KIAA1549L: variants seen among roughly 807,000 people sequenced by gnomAD.
KIAA1549L encodes UPF0606 protein KIAA1549L.
A neutral mutation model predicts 160.7 loss-of-function variants in KIAA1549L; 88 were observed. That is an observed-to-expected ratio of 0.55 (90% confidence interval 0.46 to 0.65). The LOEUF is 0.65. KIAA1549L is among the 30% of genes least tolerant of loss of function. The pLI is 0.00. For synonymous variants in KIAA1549L, 950 were observed against 976.7 expected, an observed-to-expected ratio of 0.97 and a Z score of 0.51; for missense variants, 2,258 against 2,437.5, an observed-to-expected ratio of 0.93 and a Z score of 1.55.
chr11:33,591,369 G>A lies in KIAA1549L; in HGVS notation c.4699G>A (p.Ala1567Thr), dbSNP rs759131059. 1.5e-5 allele frequency: 24 copies of A among 1,613,122 alleles called. No individual in the cohort carries two copies. The highest frequency in any genetic ancestry group is 3.3e-4 in the Middle Eastern group (2 of 6,080). ...AGATGCTCCTCAGGAAAGAGACGTCGCTCAGGATGGAAGCACCATCAAGAC... is the reference window on the plus strand; with the variant it reads ...AGATGCTCCTCAGGAAAGAGACGTCACTCAGGATGGAAGCACCATCAAGAC... ...IRDAPQERDV[A>T]QDGSTIKTAK... Residue 1567 changes from alanine to threonine, a missense_variant, in exon 12 of 21, where the codon GCT becomes ACT. Physicochemically the swap from Ala to Thr is moderately conservative, Grantham distance 58. This residue lies in a region of KIAA1549L where 1,359 missense variants were observed against 1,546.6 expected (regional missense o/e 0.88). Coordinates refer to ENST00000658780, the MANE Select transcript of KIAA1549L (RefSeq NM_012194.3).
intron 1 of KIAA1549L, among the ~76,000 whole-genome samples, chr11:33,431,116 G>A (rs551562870): frequency 3.3e-5 from 5 of 151,914 alleles, no homozygotes; most frequent in Admixed American, 6.6e-5. Context: ...GGAGTTGTTC[G>A]TTCCTCCTGG....
At chr11:33,622,179 C>T (rs370736865) in intron 16 of KIAA1549L, among the ~76,000 whole-genome samples, 3 of 152,160 alleles carry the variant, frequency 2.0e-5, no homozygotes, top group African/African-American at 4.8e-5. Context: ...CCAGATGCTT[C>T]TACAGCTGAA....
intron 3 of KIAA1549L, among the ~76,000 whole-genome samples, chr11:33,545,607 A>C (rs1173694351): frequency 6.6e-6 from 1 of 152,152 alleles, no homozygotes; most frequent in Admixed American, 6.5e-5. Flanking sequence ...CTTACAATGC[A>C]CAGAACAGCC....
chr11:33,575,680 CA>C (rs1855421851), intron 10 of KIAA1549L, among the ~76,000 whole-genome samples: 1 of 152,122 alleles, frequency 6.6e-6, no homozygotes, highest in African/African-American at 2.4e-5. Flanking sequence ...AAGATTTCAG[CA>C]GAGGGAGAAG....
chr11:33,656,019 G>C lies in KIAA1549L; in HGVS notation c.5768G>C (p.Arg1923Thr), dbSNP rs771356549. 6.2e-7 allele frequency: 1 copy of C among 1,613,444 alleles called. No homozygotes were observed. Among genetic ancestry groups the C allele is most frequent in the Admixed American group, 1.7e-5 (1 of 60,008 alleles). ...TGCTTGTCTCTTTCACAGGCTTACA[G>C]GTTTTCCCAGCTTCCTGAGATGGTC... ...YQYSLPRPAYRFSQLPEMVMG... is the reference protein window; with the variant it reads ...YQYSLPRPAYTFSQLPEMVMG... Residue 1923 changes from arginine (R) to threonine (T), a missense_variant, in exon 18 of 21, where the codon AGG becomes ACG. By Grantham distance (71) the Arg-to-Thr change is moderately conservative. Transcript: ENST00000658780.
chr11:33,543,249 G>C lies in KIAA1549L; in HGVS notation c.1686G>C (p.Lys562Asn). The change falls in exon 2 of 21, where the codon AAG becomes AAC. Residue 562 changes from lysine to asparagine, a missense_variant. By Grantham distance (94) the Lys-to-Asn change is moderately conservative. Transcript: ENST00000658780. ...CTTGGACATTTCCCCGGTGGAAAAAGGACAGTGTGACAGCCATTTTAGGGA... is the reference window on the plus strand; with the variant it reads ...CTTGGACATTTCCCCGGTGGAAAAACGACAGTGTGACAGCCATTTTAGGGA... ...STSWTFPRWKKDSVTAILGKN... is the reference protein window; with the variant it reads ...STSWTFPRWKNDSVTAILGKN... 6 of 1,613,978 alleles carry C rather than the reference G, an allele frequency of 3.7e-6. No individual in the cohort carries two copies. The highest frequency in any genetic ancestry group is 5.1e-6 in the Non-Finnish European group (6 of 1,179,840).
At chr11:33,566,177 T>C (rs1855043204) in intron 8 of KIAA1549L, among the ~76,000 whole-genome samples, 2 of 152,116 alleles carry the variant, frequency 1.3e-5, no homozygotes, top group South Asian at 4.2e-4. Context: ...TTTTGACTAT[T>C]CCCTTTATTT....
At chr11:33,600,985 T>G (rs1208880667) in intron 13 of KIAA1549L, among the ~76,000 whole-genome samples, 2 of 152,154 alleles carry the variant, frequency 1.3e-5, no homozygotes. Flanking sequence ...ATGTCCCTGC[T>G]GACCTTGCCC....
chr11:33,583,064 C>G (rs1358656545), intron 10 of KIAA1549L, among the ~76,000 whole-genome samples: 1 of 152,196 alleles, frequency 6.6e-6, no homozygotes, highest in Non-Finnish European at 1.5e-5. Context: ...TAGTAGTGAA[C>G]TCTAGCATTT....
At chr11:33,523,342 A>G (rs1381802900) in intron 1 of KIAA1549L, among the ~76,000 whole-genome samples, 3 of 152,248 alleles carry the variant, frequency 2.0e-5, no homozygotes, top group Non-Finnish European at 4.4e-5. Flanking sequence ...CCCTTAGTGT[A>G]TGCGTATGCC....
At chr11:33,576,940 A>G (rs1855469153) in intron 10 of KIAA1549L, among the ~76,000 whole-genome samples, 1 of 152,170 alleles carries the variant, frequency 6.6e-6, no homozygotes, top group African/African-American at 2.4e-5. Flanking sequence ...TCATCAACAT[A>G]TAGGTGACAT....
intron 11 of KIAA1549L, among the ~76,000 whole-genome samples, chr11:33,587,266 C>T (rs754691788): frequency 2.0e-5 from 3 of 152,054 alleles, no homozygotes; most frequent in South Asian, 2.1e-4. Context: ...TTTTATAAAA[C>T]GAATTGAAGT....
At chr11:33,582,422 T>G (rs1170135487) in intron 10 of KIAA1549L, among the ~76,000 whole-genome samples, 3 of 152,178 alleles carry the variant, frequency 2.0e-5, no homozygotes, top group Non-Finnish European at 4.4e-5. Context: ...GCCCCCAAGT[T>G]CAGCAGGATC....
rs1315264168 is a variant in KIAA1549L at position 33,376,548 on chromosome 11, C to G, written c.-104C>G. 3 of 148,762 alleles carry G rather than the reference C, an allele frequency of 2.0e-5. No individual in the cohort carries two copies. Among genetic ancestry groups the G allele is most frequent in the African/African-American group, 7.3e-5 (3 of 40,974 alleles). 9.2% of individuals were successfully genotyped at this position (148,762 alleles called of 1,614,324 possible). On this transcript the variant is annotated 5_prime_UTR_variant, in exon 1 of 21. Transcript: ENST00000658780. This position sits in a 1 kb window ranked among gnomAD's most constrained non-coding sequence, Gnocchi z 5.8. Reference sequence around the variant, plus strand: ...GCTCGGCGCCCCCTCCCTCCGGCGCCCGGGCCGTGGCCGGCGATGCCCGGT... The same window carrying G: ...GCTCGGCGCCCCCTCCCTCCGGCGCGCGGGCCGTGGCCGGCGATGCCCGGT...
chr11:33,430,041 T>TCCTTCCTTCCTTCCTTCCTCCCTTCCTC (rs1554976199), intron 1 of KIAA1549L, among the ~76,000 whole-genome samples: 1 of 140,386 alleles, frequency 7.1e-6, no homozygotes, highest in African/African-American at 2.8e-5. Context: ...CTTCCTTCCT[T>TCCTTCCTTCCTTCCTTCCTCCCTTCCTC]CCTTCCTCCC....
intron 1 of KIAA1549L, among the ~76,000 whole-genome samples, chr11:33,447,398 A>G (rs1340313394): frequency 2.6e-5 from 4 of 152,114 alleles, no homozygotes; most frequent in African/African-American, 9.7e-5. Context: ...AATGAAAACT[A>G]TTTCATACTC....
At chr11:33,641,629 TATATACAC>T in intron 16 of KIAA1549L, among the ~76,000 whole-genome samples, 1 of 68,114 alleles carries the variant, frequency 1.5e-5, no homozygotes, top group Non-Finnish European at 2.6e-5. Context: ...TATATATATA[TATATACAC>T]AGTGGGTAAG....
chr11:33,377,048 A>G (rs1223635004), intron 1 of KIAA1549L, among the ~76,000 whole-genome samples, 159 bp downstream of exon 1: 1 of 152,192 alleles, frequency 6.6e-6, no homozygotes, highest in Non-Finnish European at 1.5e-5. Flanking sequence ...TCTTTCGGGA[A>G]GGCACTTTGG....
At chr11:33,486,092 A>G (rs2133057259) in intron 1 of KIAA1549L, among the ~76,000 whole-genome samples, 2 of 152,360 alleles carry the variant, frequency 1.3e-5, no homozygotes, top group East Asian at 3.9e-4. Flanking sequence ...ATGGAAGTGC[A>G]GGTATCTCCT....
Sources: gnomAD v4.1 joint callset for allele counts (sites outside exome capture counted in the v4.1 genomes callset) on GRCh38, gnomAD v4.1.1 for gene constraint, gnomAD v4.1.1 regional missense constraint, Gnocchi (gnomAD v3.1) non-coding constraint, MANE v1.5 for transcripts, NCBI Gene and HGNC (gene_info 2026-07-23, HGNC 2026-07-21) for gene names.